Variants in MCF2L observed in about 807,000 individuals in gnomAD.
MCF2L encodes the protein MCF.2 cell line derived transforming sequence like.
MCF2L carries 97 observed loss-of-function variants against 153.4 expected under a neutral mutation model. The ratio of observed to expected loss-of-function variants is 0.63; its 90% CI spans 0.54 to 0.75. The LOEUF (loss-of-function observed/expected upper bound fraction) is 0.75. Among genes scored for constraint, MCF2L ranks in the 30% least tolerant of loss-of-function variants. MCF2L has a pLI of 0.00. For synonymous variants in MCF2L, 659 were observed against 632.2 expected, an observed-to-expected ratio of 1.04 and a Z score of -0.64; for missense variants, 1,347 against 1,495.2, an observed-to-expected ratio of 0.90 and a Z score of 1.64.
chr13:113,076,921 G>A lies in MCF2L; in HGVS notation c.1501-131G>A, dbSNP rs558244763. The A allele has an allele frequency of 7.5e-5, 75 of 1,002,346 alleles. No homozygotes were observed. The African/African-American group carries it at 8.2e-4, about 11-fold the overall frequency. The allele number at this position is 1,002,346 out of a possible 1,614,324, so 62.1% of individuals were successfully genotyped here. On this transcript the variant is annotated intron_variant, in intron 12 of 29. Coordinates refer to ENST00000535094, the MANE Select transcript of MCF2L (RefSeq NM_001112732.3). ...CCAGGGCTGGACACAGCTGCGCTGC[G>A]CTGACAGACCCCGCATGGAGAACAT...
intron 26 of MCF2L, among the ~76,000 whole-genome samples, chr13:113,093,425 C>G (rs1287184783): frequency 5.2e-5 from 8 of 152,386 alleles, no homozygotes; most frequent in South Asian, 4.1e-4. Context: ...AGGCCCAGCT[C>G]CCTTCTCTGC....
At chr13:112,980,092 G>A (rs760282039) in intron 1 of MCF2L, among the ~76,000 whole-genome samples, 4 of 152,186 alleles carry the variant, frequency 2.6e-5, no homozygotes, top group Admixed American at 6.5e-5. Flanking sequence ...CCGGGCACAC[G>A]CGGTCTGTGG....
chr13:112,963,487 G>A (rs1264074593), intron 2 of MCF2L, among the ~76,000 whole-genome samples: 3 of 152,110 alleles, frequency 2.0e-5, no homozygotes, highest in Non-Finnish European at 2.9e-5. Flanking sequence ...GGCACCAGGT[G>A]GAACCTCAGG....
In MCF2L at chr13:113,033,519, C is replaced by G. The variant is rs539192243; in HGVS notation, c.278+8761C>G. ...GGCCTGTTCGCGGGCATTTCGTGGT[C>G]CCCACTGTTTCCCTGTTGGGGTCAC... On this transcript the variant is annotated intron_variant, in intron 3 of 29. Coordinates refer to ENST00000535094, the MANE Select transcript of MCF2L (RefSeq NM_001112732.3). 5.3e-5 allele frequency among the ~76,000 whole-genome samples: 8 copies of G among 152,188 alleles called. No homozygotes were observed. The South Asian group carries it at 1.5e-3, about 28-fold the overall frequency.
chr13:112,964,133 G>A (rs1286018256), intron 2 of MCF2L, among the ~76,000 whole-genome samples: 5 of 152,220 alleles, frequency 3.3e-5, no homozygotes, highest in South Asian at 4.2e-4. Flanking sequence ...GCCCAGCTGG[G>A]GCTGTGCATA....
At chr13:112,974,088 C>T (rs1156897186) in intron 1 of MCF2L, among the ~76,000 whole-genome samples, 2 of 152,198 alleles carry the variant, frequency 1.3e-5, no homozygotes, top group East Asian at 3.9e-4. Context: ...CATTGCCCGG[C>T]ACTTCCTTAT....
At chr13:112,974,962 G>A (rs773348125) in intron 1 of MCF2L, among the ~76,000 whole-genome samples, 1 of 152,334 alleles carries the variant, frequency 6.6e-6, no homozygotes, top group Middle Eastern at 3.4e-3. Context: ...ACGACGTGCA[G>A]GCAGCACTCT....
In MCF2L at chr13:113,078,417, G is replaced by A. The variant is rs2033741036; in HGVS notation, c.1715G>A (p.Gly572Glu). The change falls in exon 14 of 30, where the codon GGG (glycine) becomes GAG (glutamate). Residue 572 changes from glycine to glutamate, a missense_variant. Coordinates refer to ENST00000535094, the MANE Select transcript of MCF2L (RefSeq NM_001112732.3). ...TCCGAGGGCGGTGCGCTCCGGAGAG[G>A]GCCCTACCGGAGGGCCAAGGTGAGG... is the stretch of plus-strand genomic sequence containing the variant. ...SSSEGGALRR[G>E]PYRRAKSEMS... The A allele has an allele frequency of 6.2e-7, 1 of 1,612,262 alleles. No individual in the cohort carries two copies. The highest frequency in any genetic ancestry group is 1.1e-5 in the South Asian group (1 of 90,962).
At chr13:112,961,390 G>A (rs2081823910) in intron 2 of MCF2L, among the ~76,000 whole-genome samples, 1 of 152,242 alleles carries the variant, frequency 6.6e-6, no homozygotes, top group African/African-American at 2.4e-5. Flanking sequence ...TTGGGGTTCG[G>A]TTGGCCCTGC....
rs548910466 is a variant in MCF2L, at chr13:113,047,503, A to G, written c.369+2142A>G. Among the ~76,000 whole-genome samples the G allele has an allele frequency of 8.5e-5, 13 of 152,362 alleles. No homozygotes were observed. In the East Asian group the frequency reaches 2.5e-3, roughly 29 times the overall value. On this transcript the variant is annotated intron_variant, in intron 4 of 29. Coordinates refer to ENST00000535094, the MANE Select transcript of MCF2L (RefSeq NM_001112732.3). Reference sequence around the variant, plus strand: ...CCCATCCGTCCTGGGCGGGTCCCACAATGCTCCCAGCAGGCACGTCGTCGT... The same window carrying G: ...CCCATCCGTCCTGGGCGGGTCCCACGATGCTCCCAGCAGGCACGTCGTCGT...
At chr13:112,923,912 C>A (rs948190472) in intron 2 of MCF2L, among the ~76,000 whole-genome samples, 6 of 152,186 alleles carry the variant, frequency 3.9e-5, no homozygotes, top group African/African-American at 1.4e-4. Flanking sequence ...TTGGAGAGGG[C>A]AGGCCAGTTA....
At chr13:113,088,282 G>T (rs201834539) in intron 23 of MCF2L, 45 bp from the exon 24 acceptor site, 2 of 1,487,938 alleles carry the variant, frequency 1.3e-6, no homozygotes, top group Non-Finnish European at 1.9e-6. Flanking sequence ...GTGTTTCCTC[G>T]GGGGCCTGAG....
chr13:113,084,168 A>G (rs2034413514), intron 18 of MCF2L, 101 bp downstream of exon 18: 1 of 980,930 alleles, frequency 1.0e-6, no homozygotes, highest in Non-Finnish European at 1.6e-6. Flanking sequence ...AACTGAAATC[A>G]CAAAATACGA....
chr13:112,998,464 G>T (rs2083228448), intron 1 of MCF2L, among the ~76,000 whole-genome samples: 1 of 152,222 alleles, frequency 6.6e-6, no homozygotes, highest in Non-Finnish European at 1.5e-5. Flanking sequence ...TCACCAAGGA[G>T]GCTGGAGTGA....
intron 2 of MCF2L, among the ~76,000 whole-genome samples, chr13:112,949,104 G>GA (rs909162877): frequency 2.2e-4 from 34 of 152,252 alleles, no homozygotes; most frequent in African/African-American, 6.3e-4. Context: ...GATAATAAGG[G>GA]AAAAAACTGC....
intron 2 of MCF2L, among the ~76,000 whole-genome samples, chr13:112,931,371 C>T (rs1449121924): frequency 2.0e-5 from 3 of 152,220 alleles, no homozygotes; most frequent in Non-Finnish European, 4.4e-5. Flanking sequence ...GCAGTGCTGA[C>T]GCTGCTCTGC....
intron 2 of MCF2L, among the ~76,000 whole-genome samples, chr13:112,926,510 A>G (rs1279338970): frequency 6.6e-6 from 1 of 152,046 alleles, no homozygotes; most frequent in Admixed American, 6.5e-5. Flanking sequence ...CTACATGCAC[A>G]GCGGAGTACT....
chr13:113,003,608 C>A (rs2083507310), intron 1 of MCF2L, among the ~76,000 whole-genome samples: 1 of 152,198 alleles, frequency 6.6e-6, no homozygotes, highest in African/African-American at 2.4e-5. Context: ...AAGGACCAGG[C>A]AAAGCCAGGA....
chr13:113,057,931 G>A (rs1177094719), intron 4 of MCF2L, among the ~76,000 whole-genome samples: 15 of 134,652 alleles, frequency 1.1e-4, no homozygotes, highest in African/African-American at 3.9e-4. Context: ...GCTGAGTGTT[G>A]GGTGCTGAGT....
Sources: allele counts gnomAD v4.1 joint callset (sites outside exome capture counted in the v4.1 genomes callset), GRCh38; gene constraint gnomAD v4.1.1; transcripts MANE v1.5; gene names NCBI Gene and HGNC (gene_info 2026-07-23, HGNC 2026-07-21).